The following FHIT variants were observed in gnomAD, a reference collection of about 807,000 sequenced individuals.
FHIT encodes the protein fragile histidine triad diadenosine triphosphatase.
A neutral mutation model predicts 17.9 loss-of-function variants in FHIT; 19 were observed. That is an observed-to-expected ratio of 1.06 (90% CI 0.74 to 1.56). The LOEUF (loss-of-function observed/expected upper bound fraction) is 1.56. Among genes scored for constraint, FHIT ranks in the 40% most tolerant of loss-of-function variants. The pLI, the probability that FHIT is intolerant of heterozygous loss-of-function variation, is 0.00. For missense variants in FHIT, 248 were observed against 189.2 expected (o/e 1.31, Z -1.82); for synonymous variants, 81 against 69.7 (o/e 1.16, Z -0.81).
intron 2 of FHIT, among the ~76,000 whole-genome samples, chr3:61,169,488 G>T (rs1427684078): frequency 1.3e-5 from 2 of 152,148 alleles, no homozygotes; most frequent in Non-Finnish European, 2.9e-5. Flanking sequence ...TGACCCAAAA[G>T]ATTAGTAAGA....
At chr3:60,912,655 T>A in intron 3 of FHIT, 1 of 414,630 alleles carries the variant, frequency 2.4e-6, no homozygotes, top group Non-Finnish European at 4.6e-6. Context: ...TCATCAGAGA[T>A]AACTCTAGAT....
rs114602263 is a variant in FHIT, at chr3:61,026,821, G to C, written c.-111+15226C>G. Among the ~76,000 whole-genome samples, 1,247 of 152,228 alleles carry C rather than the reference G, an allele frequency of 8.2e-3. 21 individuals carry two copies. The highest frequency in any genetic ancestry group is 0.028 in the African/African-American group (1,157 of 41,548). ...TTAATTTTTAAACTGATAGTAAAAA[G>C]CAGAGCTAGAATTCAAACCTCACCT... On this transcript the variant is annotated intron_variant, in intron 3 of 9. Coordinates refer to ENST00000492590, the MANE Select transcript of FHIT (RefSeq NM_002012.4).
intron 3 of FHIT, among the ~76,000 whole-genome samples, chr3:60,868,014 A>G (rs2734350): frequency 0.17 from 26,195 of 152,156 alleles, 2,796 homozygotes; most frequent in Non-Finnish European, 0.24. Context: ...ACCTTTCTCA[A>G]TGACAAACCT....
At chr3:59,934,681 C>T (rs371572475) in intron 7 of FHIT, among the ~76,000 whole-genome samples, 1 of 152,252 alleles carries the variant, frequency 6.6e-6, no homozygotes, top group South Asian at 2.1e-4. Context: ...AGGAAACTTA[C>T]AATCATGGCA....
chr3:59,851,379 T>C lies in FHIT; in HGVS notation c.348+70967A>G, dbSNP rs1477021695. Reference sequence around the variant, plus strand: ...TATGTGCCAGACCTATGCTAAGTATTTCATATCCATTATTGTACTTGATCC... The same window carrying C: ...TATGTGCCAGACCTATGCTAAGTATCTCATATCCATTATTGTACTTGATCC... On this transcript the variant is annotated intron_variant, in intron 8 of 9. Transcript: ENST00000492590. Among the ~76,000 whole-genome samples the C allele has an allele frequency of 2.0e-5, 3 of 152,218 alleles. No homozygotes were observed. In the East Asian group the frequency reaches 5.8e-4, roughly 29 times the overall value.
intron 4 of FHIT, among the ~76,000 whole-genome samples, chr3:60,586,215 A>G (rs1212746883): frequency 6.6e-6 from 1 of 151,988 alleles, no homozygotes; most frequent in Non-Finnish European, 1.5e-5. Context: ...CTATTTCCAG[A>G]TCCTGTCAAA....
chr3:60,404,561 C>G (rs926957312), intron 5 of FHIT, among the ~76,000 whole-genome samples: 1 of 152,112 alleles, frequency 6.6e-6, no homozygotes, highest in Non-Finnish European at 1.5e-5. Context: ...TTACAGATAG[C>G]TCTTTGATCC....
intron 6 of FHIT, among the ~76,000 whole-genome samples, chr3:60,011,974 G>C (rs1700155527): frequency 6.6e-6 from 1 of 152,126 alleles, no homozygotes; most frequent in African/African-American, 2.4e-5. Context: ...CAAGTCACCA[G>C]CCATAATATA....
chr3:61,041,937 T>C (rs1387543522), intron 3 of FHIT, 110 bp downstream of exon 3: 1 of 152,236 alleles, frequency 6.6e-6, no homozygotes, highest in Non-Finnish European at 1.5e-5. Flanking sequence ...TTCATATATC[T>C]CTCCTTCTAA....
Position 60,305,557 on chromosome 3 carries a change from G to A in FHIT, c.103+231303C>T, listed in dbSNP as rs371352787. 2.6e-4 allele frequency among the ~76,000 whole-genome samples: 40 copies of A among 152,046 alleles called. No homozygotes were observed. In the East Asian group the frequency reaches 6.9e-3, roughly 26 times the overall value. ...GCATCTCCAATCTCCATCCATCAAG[G>A]GCTTCAAAACAATGTGTTTATCTTT... is the stretch of plus-strand genomic sequence containing the variant. On this transcript the variant is annotated intron_variant, in intron 5 of 9. Transcript: ENST00000492590.
At chr3:60,373,900 G>C (rs1346459764) in intron 5 of FHIT, among the ~76,000 whole-genome samples, 2 of 152,152 alleles carry the variant, frequency 1.3e-5, no homozygotes, top group East Asian at 3.9e-4. Context: ...TTTTAGCCTA[G>C]GCACTTGGTT....
At chr3:59,752,071 C>A in intron 9 of FHIT, 150 bp downstream of exon 9, 1 of 553,628 alleles carries the variant, frequency 1.8e-6, no homozygotes, top group Non-Finnish European at 3.2e-6. Context: ...ACTCAAGGGC[C>A]AGGGTTTTCT....
chr3:61,177,381 T>C (rs1207890086), intron 2 of FHIT, among the ~76,000 whole-genome samples: 3 of 152,110 alleles, frequency 2.0e-5, no homozygotes, highest in Non-Finnish European at 4.4e-5. Flanking sequence ...ACTTCTTAGT[T>C]TATACTCTCC....
intron 5 of FHIT, among the ~76,000 whole-genome samples, chr3:60,467,487 T>C (rs914533972): frequency 2.0e-5 from 3 of 152,068 alleles, no homozygotes; most frequent in African/African-American, 4.8e-5. Flanking sequence ...GAATACTGCT[T>C]TCACCATATC....
chr3:60,559,641 C>T (rs1390261453), intron 4 of FHIT, among the ~76,000 whole-genome samples: 1 of 152,126 alleles, frequency 6.6e-6, no homozygotes, highest in Admixed American at 6.6e-5. Flanking sequence ...ACTAACCAAG[C>T]GCTTGCTAAT....
Position 60,267,360 on chromosome 3 carries a change from A to T in FHIT, c.104-253208T>A, listed in dbSNP as rs2107620353. Among the ~76,000 whole-genome samples the T allele has an allele frequency of 1.3e-5, 2 of 152,228 alleles. 1 individual carries two copies. Among genetic ancestry groups the T allele is most frequent in the South Asian group, 4.1e-4 (2 of 4,830 alleles). On this transcript the variant is annotated intron_variant, in intron 5 of 9. Transcript: ENST00000492590. ...ATGGGAAATGCTTGCAAATTGCATA[A>T]TGTAATGAAAATTTTCAAATACTTT...
At chr3:61,089,830 A>G (rs2106807075) in intron 2 of FHIT, among the ~76,000 whole-genome samples, 1 of 152,354 alleles carries the variant, frequency 6.6e-6, no homozygotes, top group South Asian at 2.1e-4. Flanking sequence ...AAATCTTTCA[A>G]CAGTGTTATC....
At chr3:60,025,747 A>G (rs183872205) in intron 5 of FHIT, among the ~76,000 whole-genome samples, 14,932 of 151,998 alleles carry the variant, frequency 0.098, 1,072 homozygotes, top group East Asian at 0.26. Context: ...AAAAAAAAAA[A>G]AAGAGAGAGT....
intron 5 of FHIT, among the ~76,000 whole-genome samples, chr3:60,040,058 T>A (rs945110229): frequency 3.9e-5 from 6 of 152,246 alleles, no homozygotes; most frequent in South Asian, 2.1e-4. Context: ...CAAATGTTTA[T>A]CTTAAGATGA....
Sources: gnomAD v4.1 joint callset for allele counts (sites outside exome capture counted in the v4.1 genomes callset) on GRCh38, gnomAD v4.1.1 for gene constraint, MANE v1.5 for transcripts, NCBI Gene and HGNC (gene_info 2026-07-23, HGNC 2026-07-21) for gene names.